The following NEO1 variants were observed in gnomAD, a reference collection of about 807,000 sequenced individuals.
NEO1 encodes neogenin 1.
A neutral mutation model predicts 159.7 loss-of-function variants in NEO1; 63 were observed. The ratio of observed to expected loss-of-function variants is 0.39; its 90% CI spans 0.32 to 0.49. The LOEUF is 0.49. Among genes scored for constraint, NEO1 ranks in the 20% least tolerant of loss-of-function variants. NEO1 has a pLI of 0.85. For missense variants in NEO1, 1,615 were observed against 1,831.0 expected (o/e 0.88, Z 2.15); for synonymous variants, 633 against 662.0 (o/e 0.96, Z 0.67).
rs371588994 is a variant in NEO1 at position 73,213,242 on chromosome 15, T to C, written c.1292-23105T>C. Among the ~76,000 whole-genome samples the C allele has an allele frequency of 3.1e-4, 47 of 152,266 alleles. 1 individual carries two copies. The East Asian group carries it at 7.9e-3, about 26-fold the overall frequency. ...GTTGAATTTGAATGTCATTCCTGCA[T>C]TGGTCATTTATTGGATTTCTCTGTA... On this transcript the variant is annotated intron_variant, in intron 7 of 28. Transcript: ENST00000261908.
At chr15:73,210,948 A>G (rs2037522012) in intron 7 of NEO1, among the ~76,000 whole-genome samples, 1 of 152,228 alleles carries the variant, frequency 6.6e-6, no homozygotes, top group Admixed American at 6.5e-5. Context: ...AGAAGCATTT[A>G]TTGAATGTAT....
At chr15:73,075,718 G>T (rs1213077337) in intron 1 of NEO1, among the ~76,000 whole-genome samples, 2 of 152,070 alleles carry the variant, frequency 1.3e-5, no homozygotes, top group Non-Finnish European at 2.9e-5. Context: ...AGGGAATTCT[G>T]CCCAATCAGT....
At chr15:73,066,621 A>G (rs896240810) in intron 1 of NEO1, among the ~76,000 whole-genome samples, 1 of 152,168 alleles carries the variant, frequency 6.6e-6, no homozygotes, top group Non-Finnish European at 1.5e-5. Context: ...CACATTACAT[A>G]GGGATTGAGG....
intron 5 of NEO1, among the ~76,000 whole-genome samples, chr15:73,175,082 T>TA (rs1312652710): frequency 4.6e-5 from 7 of 152,088 alleles, no homozygotes; most frequent in Non-Finnish European, 1.5e-5. Context: ...GACAGTGCAA[T>TA]AGGCCAAAAA....
chr15:73,230,903 A>T (rs80134032), intron 7 of NEO1, among the ~76,000 whole-genome samples: 1,609 of 152,110 alleles, frequency 0.011, 21 homozygotes, highest in African/African-American at 0.034. Flanking sequence ...TGTTAAAAAA[A>T]TTTTTTTAAA....
chr15:73,267,066 G>A (rs1180835690), intron 16 of NEO1, among the ~76,000 whole-genome samples: 1 of 152,170 alleles, frequency 6.6e-6, no homozygotes, highest in Non-Finnish European at 1.5e-5. Flanking sequence ...AGACCATCCT[G>A]GCTAACACAG....
At chr15:73,083,786 C>T (rs2069200433) in intron 1 of NEO1, among the ~76,000 whole-genome samples, 1 of 151,984 alleles carries the variant, frequency 6.6e-6, no homozygotes, top group South Asian at 2.1e-4. Flanking sequence ...AATGATTTTT[C>T]TGTTTCCTCA....
chr15:73,126,855 AGCTTT>A (rs141856679), intron 4 of NEO1, among the ~76,000 whole-genome samples: 2,566 of 152,262 alleles, frequency 0.017, 41 homozygotes, highest in Middle Eastern at 0.041. Context: ...TTGTTGCAAG[AGCTTT>A]GGTCCTGAGT....
At chr15:73,106,597 T>A (rs2070706015) in intron 1 of NEO1, among the ~76,000 whole-genome samples, 2 of 152,178 alleles carry the variant, frequency 1.3e-5, no homozygotes, top group Non-Finnish European at 2.9e-5. Flanking sequence ...TCACTGTCCC[T>A]ATTGGATAGT....
At chr15:73,238,796 G>A (rs1333208711) in intron 8 of NEO1, among the ~76,000 whole-genome samples, 2 of 151,932 alleles carry the variant, frequency 1.3e-5, no homozygotes, top group Admixed American at 6.6e-5. Context: ...ACCATCTCAG[G>A]CGATCTTGGA....
chr15:73,129,535 C>G (rs1197451626), intron 4 of NEO1, among the ~76,000 whole-genome samples: 2 of 152,022 alleles, frequency 1.3e-5, no homozygotes, highest in East Asian at 3.9e-4. Context: ...AACCTTTGAT[C>G]AAATTTGTTC....
intron 1 of NEO1, among the ~76,000 whole-genome samples, chr15:73,093,203 A>G (rs973918133): frequency 6.6e-6 from 1 of 152,250 alleles, no homozygotes; most frequent in Admixed American, 6.5e-5. Context: ...CAAGGCATTG[A>G]TACATAATAT....
chr15:73,179,679 C>T lies in NEO1; in HGVS notation c.1291+1252C>T, dbSNP rs146187827. On this transcript the variant is annotated intron_variant, in intron 7 of 28. Coordinates refer to ENST00000261908, the MANE Select transcript of NEO1 (RefSeq NM_002499.4). The stretch of plus-strand genomic sequence containing the variant: ...CATGGCTCTGTTTTTGCAGCATAGG[C>T]AATGAAATCAGAATTTGGAGCTGAG... Among the ~76,000 whole-genome samples, 13 of 152,222 alleles carry T rather than the reference C, an allele frequency of 8.5e-5. No homozygotes were observed. The East Asian group carries it at 1.7e-3, about 20-fold the overall frequency.
rs999973211 is a variant in NEO1 at position 73,052,660 on chromosome 15, C to T, written c.-16C>T. ...CGGCGCTGTCGCCGCCGCTGCCGCT[C>T]ACTCTCGGGGAAGAGATGGCGGCGG... On this transcript the variant is annotated 5_prime_UTR_variant, in exon 1 of 29. Coordinates refer to ENST00000261908, the MANE Select transcript of NEO1 (RefSeq NM_002499.4). 5.4e-6 allele frequency: 7 copies of T among 1,296,010 alleles called. No homozygotes were observed. The African/African-American group carries it at 7.9e-5, about 15-fold the overall frequency. The allele number at this position is 1,296,010 out of a possible 1,614,324, so 80.3% of individuals were successfully genotyped here. A position where few individuals can be genotyped will look rare whatever the true frequency, so the allele number is the denominator to read the frequency against.
At chr15:73,161,599 A>G (rs559810631) in intron 5 of NEO1, among the ~76,000 whole-genome samples, 3 of 152,364 alleles carry the variant, frequency 2.0e-5, no homozygotes, top group Admixed American at 6.5e-5. Flanking sequence ...TTCCATCTTT[A>G]AAAACTAAGC....
In NEO1 at chr15:73,116,628, C is replaced by T. The variant is rs777668035; in HGVS notation, c.219C>T (p.Asn73=). The change falls in exon 2 of 29, where the codon AAC becomes AAT. Residue 73 remains asparagine (N), a synonymous_variant. Coordinates refer to ENST00000261908, the MANE Select transcript of NEO1 (RefSeq NM_002499.4). ...LSVRGSSVIL[N]CSAYSEPSPK... Reference sequence around the variant, plus strand: ...TTAGAGGCTCTTCTGTTATATTAAACTGTTCAGCATATTCTGAGCCTTCTC... The same window carrying T: ...TTAGAGGCTCTTCTGTTATATTAAATTGTTCAGCATATTCTGAGCCTTCTC... The T allele has an allele frequency of 6.2e-7, 1 of 1,613,370 alleles. No homozygotes were observed. Among genetic ancestry groups the T allele is most frequent in the Non-Finnish European group, 8.5e-7 (1 of 1,179,728 alleles).
At chr15:73,253,373 A>AG in intron 11 of NEO1, 27 bp from the exon 12 acceptor site, 1 of 1,152,178 alleles carries the variant, frequency 8.7e-7, no homozygotes. Flanking sequence ...TAAAAAAAAA[A>AG]TTTTTTTTTT....
At chr15:73,116,896 AT>A in intron 2 of NEO1, 39 bp downstream of exon 2, 1 of 1,427,968 alleles carries the variant, frequency 7.0e-7, no homozygotes, top group Middle Eastern at 1.9e-4. Context: ...ATTTTCAAAT[AT>A]TTATAACATA....
At chr15:73,088,727 C>G (rs2069506425) in intron 1 of NEO1, among the ~76,000 whole-genome samples, 1 of 151,862 alleles carries the variant, frequency 6.6e-6, no homozygotes, top group Non-Finnish European at 1.5e-5. Context: ...GTAGTCTCAA[C>G]ACAAAATGAA....
Sources: allele counts gnomAD v4.1 joint callset (sites outside exome capture counted in the v4.1 genomes callset), GRCh38; gene constraint gnomAD v4.1.1; transcripts MANE v1.5; gene names NCBI Gene and HGNC (gene_info 2026-07-23, HGNC 2026-07-21).